SH2B3: variants seen among roughly 807,000 people sequenced by gnomAD.
SH2B3 encodes the protein SH2B adaptor protein 3.
A neutral mutation model predicts 51.9 loss-of-function variants in SH2B3; 43 were observed. That is an observed-to-expected ratio of 0.83 (90% CI 0.65 to 1.07). The LOEUF (loss-of-function observed/expected upper bound fraction) is 1.07. Among genes scored for constraint, SH2B3 ranks in the 50% least tolerant of loss-of-function variants. SH2B3 has a pLI of 0.00. For missense variants in SH2B3, 952 were observed against 834.3 expected, an observed-to-expected ratio of 1.14 and a Z score of -1.74; for synonymous variants, 396 against 376.0, an observed-to-expected ratio of 1.05 and a Z score of -0.62.
Position 111,418,849 on chromosome 12 carries a change from G to T in SH2B3, c.704G>T (p.Arg235Leu). The change falls in exon 2 of 8, where the codon CGC (arginine) becomes CTC (leucine). Residue 235 changes from arginine (R) to leucine (L), a missense_variant. Physicochemically the swap from Arg to Leu is moderately radical, Grantham distance 102. Coordinates refer to ENST00000341259, the MANE Select transcript of SH2B3 (RefSeq NM_005475.3). The surrounding 1 kb of genome is among the most constrained non-coding windows in gnomAD (Gnocchi z 6.7). ...RRAPGPDGPD[R>L]VLELFDPPKS... ...GCCCCGGGCCCCGATGGCCCCGACC[G>T]CGTGCTGGAGCTCTTCGACCCACCC... 7.1e-7 allele frequency: 1 copy of T among 1,416,216 alleles called. No homozygotes were observed. Among genetic ancestry groups the T allele is most frequent in the Non-Finnish European group, 9.1e-7 (1 of 1,099,082 alleles). The allele number at this position is 1,416,216 out of a possible 1,614,324, so 87.7% of individuals were successfully genotyped here.
chr12:111,424,006 G>A (rs1326692966), intron 2 of SH2B3, among the ~76,000 whole-genome samples: 3 of 152,220 alleles, frequency 2.0e-5, no homozygotes, highest in Non-Finnish European at 4.4e-5. Flanking sequence ...CAGCTACTAC[G>A]GAGGCTGAGG....
Position 111,446,748 on chromosome 12 carries a change from C to T in SH2B3, c.733-5C>T, listed in dbSNP as rs1326070064. 2.1e-5 allele frequency: 32 copies of T among 1,522,562 alleles called. No individual in the cohort carries two copies. The highest frequency in any genetic ancestry group is 1.8e-4 in the Middle Eastern group (1 of 5,614). 94.3% of individuals were successfully genotyped at this position (1,522,562 alleles called of 1,614,324 possible). A position where few individuals can be genotyped will look rare whatever the true frequency, so the allele number is the denominator to read the frequency against. ...AGCCTTGAGTACCCCAACTTGGTCT[C>T]GTAGAGTTCAAGGCCCAAGCTACAA... On this transcript the variant is annotated splice_region_variant and splice_polypyrimidine_tract_variant and intron_variant, in intron 2 of 7. Transcript: ENST00000341259.
intron 1 of SH2B3, among the ~76,000 whole-genome samples, chr12:111,415,546 C>T (rs1231088198): frequency 2.0e-5 from 3 of 151,982 alleles, no homozygotes; most frequent in Non-Finnish European, 2.9e-5. Context: ...TCTGGACCCC[C>T]GTGACTTTTG....
chr12:111,446,694 C>A (rs1351843697), intron 2 of SH2B3, 59 bp from the exon 3 acceptor site: 2 of 949,412 alleles, frequency 2.1e-6, no homozygotes, highest in Non-Finnish European at 1.6e-6. Flanking sequence ...CAAACTCAGG[C>A]CTGGCTGGAA....
rs1440426640 is a variant in SH2B3, at chr12:111,429,003, G to C, written c.732+10126G>C. Among the ~76,000 whole-genome samples, 1 of 151,014 alleles carries C rather than the reference G, an allele frequency of 6.6e-6. No homozygotes were observed. The highest frequency in any genetic ancestry group is 1.5e-5 in the Non-Finnish European group (1 of 67,740). ...GCCGGAGGCCTGGCGGTTTCCTCTC[G>C]GGGCAGGAGTGCGAGGAGGAGGAGG... On this transcript the variant is annotated intron_variant, in intron 2 of 7. Transcript: ENST00000341259. This position sits in a 1 kb window ranked among gnomAD's most constrained non-coding sequence, Gnocchi z 4.4.
At chr12:111,416,003 G>A (rs980598409) in intron 1 of SH2B3, among the ~76,000 whole-genome samples, 21 of 151,802 alleles carry the variant, frequency 1.4e-4, no homozygotes, top group Non-Finnish European at 2.5e-4. Context: ...GTCCAGTGGC[G>A]TGATCTCGGC....
intron 1 of SH2B3, among the ~76,000 whole-genome samples, chr12:111,416,805 T>G (rs1871121735): frequency 6.6e-6 from 1 of 152,204 alleles, no homozygotes; most frequent in African/African-American, 2.4e-5. Context: ...GTGCTGGGAT[T>G]TGAACCCACA....
intron 2 of SH2B3, chr12:111,444,809 C>T (rs1873771266): frequency 1.0e-6 from 1 of 985,636 alleles, no homozygotes; most frequent in Non-Finnish European, 1.2e-6. Flanking sequence ...CATGTGCCCA[C>T]ACGCTGCAAC....
intron 1 of SH2B3, among the ~76,000 whole-genome samples, chr12:111,408,800 T>C (rs371903406): frequency 1.9e-4 from 29 of 152,092 alleles, no homozygotes; most frequent in Admixed American, 1.2e-3. Flanking sequence ...TTCATGAGGG[T>C]CTCCCATTGC....
intron 1 of SH2B3, among the ~76,000 whole-genome samples, chr12:111,412,468 C>T (rs1447373728): frequency 7.2e-5 from 11 of 152,226 alleles, no homozygotes; most frequent in Non-Finnish European, 1.6e-4. Flanking sequence ...CTTCCCATGG[C>T]GGGCGAGCCT....
In SH2B3 at chr12:111,448,287, G is replaced by A; in HGVS notation, c.1713G>A (p.Gln571=). The change falls in exon 8 of 8, where the codon CAG becomes CAA. Residue 571 remains glutamine (Q), a synonymous_variant. Coordinates refer to ENST00000341259, the MANE Select transcript of SH2B3 (RefSeq NM_005475.3). ...SRSHLRAIDN[Q]YTPL ...GCCACCTGCGGGCCATAGACAATCAGTACACACCTCTCTGACCAGTGAGGA... is the reference window on the plus strand; with the variant it reads ...GCCACCTGCGGGCCATAGACAATCAATACACACCTCTCTGACCAGTGAGGA... 6.2e-7 allele frequency: 1 copy of A among 1,608,880 alleles called. No individual in the cohort carries two copies. The highest frequency in any genetic ancestry group is 8.5e-7 in the Non-Finnish European group (1 of 1,175,926).
intron 2 of SH2B3, among the ~76,000 whole-genome samples, chr12:111,427,388 GAAAAAAAAA>G (rs557658468): frequency 0.017 from 1,449 of 83,014 alleles, 40 homozygotes; most frequent in African/African-American, 0.05. Flanking sequence ...TCCATCTCAG[GAAAAAAAAA>G]AAAAAAAAAA....
At chr12:111,428,783 G>A (rs1872209439) in intron 2 of SH2B3, among the ~76,000 whole-genome samples, 1 of 152,134 alleles carries the variant, frequency 6.6e-6, no homozygotes, top group Non-Finnish European at 1.5e-5. Context: ...CTGGGCACAG[G>A]AGGGCCGTGC....
At chr12:111,414,131 T>TGCAG (rs937198320) in intron 1 of SH2B3, among the ~76,000 whole-genome samples, 27 of 152,378 alleles carry the variant, frequency 1.8e-4, no homozygotes, top group Admixed American at 1.6e-3. Context: ...GGTGCCCTTA[T>TGCAG]GCAGGGGTTA....
At chr12:111,440,031 G>A (rs563284840) in intron 2 of SH2B3, among the ~76,000 whole-genome samples, 9 of 152,186 alleles carry the variant, frequency 5.9e-5, no homozygotes, top group Admixed American at 1.3e-4. Flanking sequence ...GGAAGATGGG[G>A]GACAGAGGCC....
intron 2 of SH2B3, among the ~76,000 whole-genome samples, chr12:111,440,092 C>T (rs750961014): frequency 1.3e-5 from 2 of 152,216 alleles, no homozygotes; most frequent in Non-Finnish European, 2.9e-5. Flanking sequence ...GCTCAGACGC[C>T]GGTGGGTTTC....
chr12:111,435,739 C>T lies in SH2B3; in HGVS notation c.733-11014C>T, dbSNP rs923324131. On this transcript the variant is annotated intron_variant, in intron 2 of 7. Coordinates refer to ENST00000341259, the MANE Select transcript of SH2B3 (RefSeq NM_005475.3). The surrounding 1 kb of genome is among the most constrained non-coding windows in gnomAD (Gnocchi z 4.8). ...CTGGAGGCCAGCACAGCCTGGCACT[C>T]GTGGTTTGGGGCGTCCATGGCCTTG... Among the ~76,000 whole-genome samples, 4 of 152,184 alleles carry T rather than the reference C, an allele frequency of 2.6e-5. No individual in the cohort carries two copies. The highest frequency in any genetic ancestry group is 9.7e-5 in the African/African-American group (4 of 41,448).
Position 111,447,788 on chromosome 12 carries a change from C to CGGCT in SH2B3, c.1370_1373dup (p.Ser459AlafsTer45). 6.2e-7 allele frequency: 1 copy of CGGCT among 1,614,118 alleles called. No homozygotes were observed. The highest frequency in any genetic ancestry group is 8.5e-7 in the Non-Finnish European group (1 of 1,180,006). Reference sequence around the variant, plus strand: ...CGAGTGCGGCGCCGCCTGTGATGTCCGGCTCTCCAGCTACGTGGTAGTCGT... The same window carrying CGGCT: ...CGAGTGCGGCGCCGCCTGTGATGTCCGGCTGGCTCTCCAGCTACGTGGTAGTCGT... On this transcript the variant is annotated frameshift_variant, in exon 7 of 8. Transcript: ENST00000341259. LOFTEE classifies it high-confidence loss of function.
intron 2 of SH2B3, chr12:111,434,727 A>T: frequency 7.2e-7 from 1 of 1,390,532 alleles, no homozygotes; most frequent in Non-Finnish European, 9.4e-7. Context: ...TTCCTTTTTC[A>T]CTTTTAATTA....
Sources: allele counts gnomAD v4.1 joint callset (sites outside exome capture counted in the v4.1 genomes callset), GRCh38; gene constraint gnomAD v4.1.1; non-coding constraint Gnocchi (gnomAD v3.1); transcripts MANE v1.5; gene names NCBI Gene and HGNC (gene_info 2026-07-23, HGNC 2026-07-21).